The following CAMKMT variants were observed in gnomAD, a reference collection of about 807,000 sequenced individuals.
The protein encoded by CAMKMT is calmodulin-lysine N-methyltransferase, also known as CaM KMT.
In CAMKMT, 53 loss-of-function variants were observed where a neutral mutation model predicts 48.0. The ratio of observed to expected loss-of-function variants is 1.10; its 90% CI spans 0.89 to 1.39. CAMKMT has a LOEUF of 1.39. Ranked by LOEUF, CAMKMT falls within the 40% of genes most tolerant of loss-of-function variation. The probability of loss-of-function intolerance (pLI) is 0.00; values close to 1 mark genes in which losing one functional copy is unlikely to be tolerated. For synonymous variants in CAMKMT, 165 were observed against 152.3 expected, an observed-to-expected ratio of 1.08 and a Z score of -0.61; for missense variants, 428 against 402.7, an observed-to-expected ratio of 1.06 and a Z score of -0.54.
At chr2:44,443,424 A>G (rs1666791338) in intron 3 of CAMKMT, among the ~76,000 whole-genome samples, 3 of 152,170 alleles carry the variant, frequency 2.0e-5, no homozygotes, top group South Asian at 2.1e-4. Context: ...GCATGTATGT[A>G]TATAAGTCCT....
chr2:44,734,569 C>G (rs1010246879), intron 7 of CAMKMT, among the ~76,000 whole-genome samples: 3 of 152,076 alleles, frequency 2.0e-5, no homozygotes, highest in African/African-American at 4.8e-5. Flanking sequence ...CATGCACCAC[C>G]ATGCCAGGCT....
At chr2:44,403,345 A>C (rs897420291) in intron 3 of CAMKMT, among the ~76,000 whole-genome samples, 2 of 152,162 alleles carry the variant, frequency 1.3e-5, no homozygotes, top group Non-Finnish European at 2.9e-5. Context: ...CTTGAGCTGC[A>C]CGAATGCCTT....
intron 3 of CAMKMT, among the ~76,000 whole-genome samples, chr2:44,405,427 G>A (rs1682714720): frequency 6.6e-6 from 1 of 152,062 alleles, no homozygotes; most frequent in Non-Finnish European, 1.5e-5. Context: ...ATTTTTAGGT[G>A]TTGAGTAATG....
chr2:44,671,961 A>G (rs574795842), intron 3 of CAMKMT, among the ~76,000 whole-genome samples: 1 of 152,212 alleles, frequency 6.6e-6, no homozygotes, highest in African/African-American at 2.4e-5. Flanking sequence ...GGATGGTGGT[A>G]GTTACTGTGA....
At chr2:44,628,999 A>T (rs987059618) in intron 3 of CAMKMT, among the ~76,000 whole-genome samples, 2 of 152,138 alleles carry the variant, frequency 1.3e-5, no homozygotes, top group African/African-American at 4.8e-5. Context: ...CCCTTGTTTG[A>T]GGTCCTGTTT....
At chr2:44,646,434 A>G (rs555221714) in intron 3 of CAMKMT, among the ~76,000 whole-genome samples, 1 of 152,306 alleles carries the variant, frequency 6.6e-6, no homozygotes, top group African/African-American at 2.4e-5. Context: ...GCCTAAGGGA[A>G]AGAGAAAGTT....
chr2:44,413,621 A>G (rs1683361217), intron 3 of CAMKMT, among the ~76,000 whole-genome samples: 1 of 151,690 alleles, frequency 6.6e-6, no homozygotes, highest in Non-Finnish European at 1.5e-5. Context: ...CACTGCACTT[A>G]AGTCAGGGTG....
intron 3 of CAMKMT, among the ~76,000 whole-genome samples, chr2:44,594,942 C>G (rs930003914): frequency 6.6e-6 from 1 of 152,058 alleles, no homozygotes; most frequent in African/African-American, 2.4e-5. Flanking sequence ...CCAGAATCTA[C>G]AAAGAACTTA....
At chr2:44,715,192 C>CAAAAA (rs35173334) in intron 6 of CAMKMT, 95 bp from the exon 7 acceptor site, 25 of 426,632 alleles carry the variant, frequency 5.9e-5, no homozygotes, top group South Asian at 1.2e-4. Context: ...GACCCTGTCT[C>CAAAAA]AAAAAAAAAA....
intron 7 of CAMKMT, among the ~76,000 whole-genome samples, chr2:44,722,520 G>A (rs995652675): frequency 5.9e-5 from 9 of 151,862 alleles, no homozygotes. Flanking sequence ...CTCTTAGTGG[G>A]TTGCCCTACA....
chr2:44,679,546 T>C (rs1351907090), intron 3 of CAMKMT, among the ~76,000 whole-genome samples: 1 of 152,250 alleles, frequency 6.6e-6, no homozygotes, highest in Non-Finnish European at 1.5e-5. Flanking sequence ...ATGCCATTAA[T>C]GTTATACCCT....
intron 3 of CAMKMT, among the ~76,000 whole-genome samples, chr2:44,638,154 A>G (rs1013203467): frequency 2.0e-5 from 3 of 152,124 alleles, no homozygotes; most frequent in African/African-American, 7.2e-5. Context: ...TTGCCTATGA[A>G]ACTATATATA....
chr2:44,391,751 C>A (rs1249204728), intron 3 of CAMKMT: 1 of 152,846 alleles, frequency 6.5e-6, no homozygotes, highest in Non-Finnish European at 1.5e-5. Context: ...TTATTTTAGG[C>A]ATGAATGACT....
intron 3 of CAMKMT, among the ~76,000 whole-genome samples, chr2:44,692,402 C>G (rs1025514159): frequency 1.3e-5 from 2 of 152,212 alleles, no homozygotes; most frequent in African/African-American, 2.4e-5. Flanking sequence ...ACCCAACAAT[C>G]TGGCCAAAGT....
intron 3 of CAMKMT, among the ~76,000 whole-genome samples, chr2:44,471,908 T>A (rs1668439982): frequency 6.6e-6 from 1 of 152,084 alleles, no homozygotes. Flanking sequence ...CTCAAACTAC[T>A]GACCTCAAGT....
In CAMKMT at chr2:44,527,262, T is replaced by A. The variant is rs918304796; in HGVS notation, c.376+136957T>A. On this transcript the variant is annotated intron_variant, in intron 3 of 10. Coordinates refer to ENST00000378494, the MANE Select transcript of CAMKMT (RefSeq NM_024766.5). Reference sequence around the variant, plus strand: ...AGGTGAACGCCACCATATCTGGCAATATATATATGTTATATATATTATATA... The same window carrying A: ...AGGTGAACGCCACCATATCTGGCAAAATATATATGTTATATATATTATATA... Among the ~76,000 whole-genome samples the A allele has an allele frequency of 2.1e-5, 3 of 144,882 alleles. No individual in the cohort carries two copies. In the East Asian group the frequency reaches 5.9e-4, roughly 28 times the overall value.
At chr2:44,572,384 G>T (rs1274600232) in intron 3 of CAMKMT, among the ~76,000 whole-genome samples, 1 of 152,126 alleles carries the variant, frequency 6.6e-6, no homozygotes, top group Non-Finnish European at 1.5e-5. Flanking sequence ...TACAGGGTTT[G>T]TCCTTTAGTG....
intron 3 of CAMKMT, among the ~76,000 whole-genome samples, chr2:44,563,624 TC>T (rs1325999992): frequency 2.6e-5 from 4 of 151,884 alleles, no homozygotes. Context: ...CCCTCCCCCT[TC>T]CCCCCACCCC....
At chr2:44,713,792 T>A (rs772108544) in intron 6 of CAMKMT, among the ~76,000 whole-genome samples, 4 of 152,130 alleles carry the variant, frequency 2.6e-5, no homozygotes, top group Non-Finnish European at 5.9e-5. Context: ...TGGGTGTGCC[T>A]GGTGGTTCAA....
Sources: allele counts gnomAD v4.1 joint callset (sites outside exome capture counted in the v4.1 genomes callset), GRCh38; gene constraint gnomAD v4.1.1; transcripts MANE v1.5; gene names NCBI Gene and HGNC (gene_info 2026-07-23, HGNC 2026-07-21).